PRKN: variants seen among roughly 807,000 people sequenced by gnomAD.
PRKN encodes parkin RBR E3 ubiquitin protein ligase, also known as E3 ubiquitin-protein ligase parkin.
PRKN carries 56 observed loss-of-function variants against 59.5 expected under a neutral mutation model. The observed-to-expected ratio is 0.94, with a 90% CI of 0.76 to 1.18. The LOEUF is 1.18. Among genes scored for constraint, PRKN ranks in the 50% most tolerant of loss-of-function variants. The probability of loss-of-function intolerance (pLI) is 0.00; values close to 1 mark genes in which losing one functional copy is unlikely to be tolerated. For missense variants in PRKN, 657 were observed against 596.4 expected, an observed-to-expected ratio of 1.10 and a Z score of -1.06; for synonymous variants, 250 against 222.1, an observed-to-expected ratio of 1.13 and a Z score of -1.12.
intron 7 of PRKN, among the ~76,000 whole-genome samples, chr6:161,661,372 T>C (rs1340042761): frequency 6.6e-6 from 1 of 150,492 alleles, no homozygotes; most frequent in Non-Finnish European, 1.5e-5. Flanking sequence ...TCTCAGGGCC[T>C]GTGTGTCTGC....
rs1021855882 is a variant in PRKN at position 161,440,615 on chromosome 6, C to T, written c.1084-53738G>A. ...GGATAAGAAAATCCTAGTTCTACCT[C>T]GCAGACAGGGAGGAAGTGAAGAGGT... On this transcript the variant is annotated intron_variant, in intron 9 of 11. Coordinates refer to ENST00000366898, the MANE Select transcript of PRKN (RefSeq NM_004562.3). This position sits in a 1 kb window ranked among gnomAD's most constrained non-coding sequence, Gnocchi z 4.1. 6.6e-5 allele frequency among the ~76,000 whole-genome samples: 10 copies of T among 152,258 alleles called. No individual in the cohort carries two copies. The highest frequency in any genetic ancestry group is 1.3e-4 in the Non-Finnish European group (9 of 68,026).
At chr6:161,792,004 A>T (rs1790658214) in intron 6 of PRKN, among the ~76,000 whole-genome samples, 1 of 152,240 alleles carries the variant, frequency 6.6e-6, no homozygotes, top group Non-Finnish European at 1.5e-5. Flanking sequence ...GAGGACACTC[A>T]AGCAGTACTA....
At position 161,488,379 on chromosome 6, in the gene PRKN, C is replaced by T. The variant is rs74618651; in HGVS notation, c.1083+60475G>A. Among the ~76,000 whole-genome samples, 6 of 152,054 alleles carry T rather than the reference C, an allele frequency of 3.9e-5. No individual in the cohort carries two copies. The highest frequency in any genetic ancestry group is 1.9e-4 in the East Asian group (1 of 5,190). On this transcript the variant is annotated intron_variant, in intron 9 of 11. Transcript: ENST00000366898. The surrounding 1 kb of genome is among the most constrained non-coding windows in gnomAD (Gnocchi z 4.5). ...GAGAAGAACTCCAAATTTTATTCTC[C>T]GGAGTGGAGCTGCTTAAACTGTTAG...
chr6:162,036,615 C>T (rs1166737281), intron 5 of PRKN, among the ~76,000 whole-genome samples: 1 of 151,800 alleles, frequency 6.6e-6, no homozygotes, highest in East Asian at 2.0e-4. Context: ...TTCTGACCTC[C>T]AGTGATCCCC....
rs190671572 is a variant in PRKN at position 161,859,464 on chromosome 6, A to G, written c.735-73556T>C. Among the ~76,000 whole-genome samples the G allele has an allele frequency of 1.4e-3, 216 of 151,976 alleles. 1 individual carries two copies. Among genetic ancestry groups the G allele is most frequent in the African/African-American group, 4.7e-3 (194 of 41,466 alleles). ...CTAAAAATACAAAAATAAGCTGGGC[A>G]TGGTGGCGCATGCCTGTATGCCTGT... On this transcript the variant is annotated intron_variant, in intron 6 of 11. Coordinates refer to ENST00000366898, the MANE Select transcript of PRKN (RefSeq NM_004562.3).
chr6:161,998,450 T>A (rs901729706), intron 5 of PRKN, among the ~76,000 whole-genome samples: 1 of 152,176 alleles, frequency 6.6e-6, no homozygotes, highest in South Asian at 2.1e-4. Flanking sequence ...TATATTTGCA[T>A]GTAAATAAAT....
intron 9 of PRKN, among the ~76,000 whole-genome samples, chr6:161,508,084 C>T (rs1778241954): frequency 6.6e-6 from 1 of 152,142 alleles, no homozygotes. Flanking sequence ...AAAAGCTGTA[C>T]CCTTTTTTAA....
At chr6:162,387,973 A>T (rs1786941628) in intron 2 of PRKN, among the ~76,000 whole-genome samples, 1 of 152,182 alleles carries the variant, frequency 6.6e-6, no homozygotes, top group Non-Finnish European at 1.5e-5. Context: ...GTGACAGACA[A>T]GGTCCTTGTA....
In PRKN at chr6:162,364,974, TCTC is replaced by T. The variant is rs1192787819; in HGVS notation, c.171+78333_171+78335del. On this transcript the variant is annotated intron_variant, in intron 2 of 11. Transcript: ENST00000366898. ...AATCTCTCTTCTCCCTCTCTCTCTC[TCTC>T]TCTTTTTTTTTTTTTTTTGCCAATA... Among the ~76,000 whole-genome samples the T allele has an allele frequency of 4.7e-3, 682 of 145,716 alleles. 7 individuals are homozygous for T. The highest frequency in any genetic ancestry group is 0.016 in the African/African-American group (630 of 38,264).
intron 2 of PRKN, among the ~76,000 whole-genome samples, chr6:162,360,825 C>T (rs1037937797): frequency 6.6e-6 from 1 of 152,092 alleles, no homozygotes; most frequent in African/African-American, 2.4e-5. Context: ...TGGGTCTGCA[C>T]CTCTGATTGT....
intron 7 of PRKN, among the ~76,000 whole-genome samples, chr6:161,642,119 T>C (rs1187197292): frequency 6.6e-6 from 1 of 152,202 alleles, no homozygotes; most frequent in Non-Finnish European, 1.5e-5. Flanking sequence ...TCTGTCTTAT[T>C]TAAAATAATA....
At chr6:161,735,783 A>T (rs1043310188) in intron 7 of PRKN, among the ~76,000 whole-genome samples, 3 of 151,848 alleles carry the variant, frequency 2.0e-5, no homozygotes, top group African/African-American at 7.3e-5. Context: ...GGTGTGATGG[A>T]GGGCGCCTGT....
intron 7 of PRKN, among the ~76,000 whole-genome samples, chr6:161,661,440 C>G (rs1784541257): frequency 6.6e-6 from 1 of 152,122 alleles, no homozygotes; most frequent in Admixed American, 6.5e-5. Context: ...CATCCCAGTT[C>G]CTTTGGATCT....
intron 6 of PRKN, among the ~76,000 whole-genome samples, chr6:161,879,674 G>C (rs1376695856): frequency 2.0e-5 from 3 of 152,108 alleles, no homozygotes; most frequent in African/African-American, 7.2e-5. Flanking sequence ...AAATTGAAGG[G>C]AGTAGTGTCA....
intron 4 of PRKN, among the ~76,000 whole-genome samples, chr6:162,089,917 T>C (rs1779408126): frequency 6.6e-6 from 1 of 152,216 alleles, no homozygotes; most frequent in South Asian, 2.1e-4. Context: ...TGACTGCTAC[T>C]GTGTACAGGC....
intron 4 of PRKN, among the ~76,000 whole-genome samples, chr6:162,094,501 AG>A (rs1779648955): frequency 2.0e-5 from 3 of 152,100 alleles, no homozygotes; most frequent in African/African-American, 7.2e-5. Flanking sequence ...AAACAAATAA[AG>A]TAATTAATTA....
chr6:162,138,803 C>CAGTGAATG (rs1403166896), intron 4 of PRKN, among the ~76,000 whole-genome samples: 3 of 152,040 alleles, frequency 2.0e-5, no homozygotes, highest in Non-Finnish European at 4.4e-5. Context: ...GGGAAAAAGG[C>CAGTGAATG]AGTGAATGTG....
At chr6:162,278,948 A>G (rs1196496995) in intron 2 of PRKN, among the ~76,000 whole-genome samples, 1 of 152,010 alleles carries the variant, frequency 6.6e-6, no homozygotes, top group African/African-American at 2.4e-5. Context: ...TATTTGCTAT[A>G]AATAGATTTT....
chr6:162,374,022 T>A (rs1785906322), intron 2 of PRKN, among the ~76,000 whole-genome samples: 2 of 152,200 alleles, frequency 1.3e-5, no homozygotes, highest in South Asian at 4.1e-4. Flanking sequence ...AACTTGGTGA[T>A]CTTCGTGATT....
Sources: gnomAD v4.1 joint callset for allele counts (sites outside exome capture counted in the v4.1 genomes callset) on GRCh38, gnomAD v4.1.1 for gene constraint, Gnocchi (gnomAD v3.1) non-coding constraint, MANE v1.5 for transcripts, NCBI Gene and HGNC (gene_info 2026-07-23, HGNC 2026-07-21) for gene names.